B3GAT2: variants seen among roughly 807,000 people sequenced by gnomAD.
B3GAT2 encodes galactosylgalactosylxylosylprotein 3-beta-glucuronosyltransferase 2.
B3GAT2 carries 26 observed loss-of-function variants against 27.8 expected under a neutral mutation model. The observed-to-expected ratio is 0.93, with a 90% CI of 0.68 to 1.30. B3GAT2 has a LOEUF of 1.30. Among genes scored for constraint, B3GAT2 ranks in the 50% most tolerant of loss-of-function variants. B3GAT2 has a pLI of 0.00. For synonymous variants in B3GAT2, 218 were observed against 195.1 expected (o/e 1.12, Z -0.98); for missense variants, 458 against 459.0 (o/e 1.00, Z 0.02).
chr6:70,869,797 T>A (rs915510567), intron 2 of B3GAT2, among the ~76,000 whole-genome samples: 2 of 152,192 alleles, frequency 1.3e-5, no homozygotes, highest in African/African-American at 4.8e-5. Flanking sequence ...TTGTGTGTGT[T>A]CATCACTGGC....
Position 70,902,637 on chromosome 6 carries a change from TACAC to T in B3GAT2, c.592-8369_592-8366del, listed in dbSNP as rs1211771771. On this transcript the variant is annotated intron_variant, in intron 1 of 3. Transcript: ENST00000230053. The stretch of plus-strand genomic sequence containing the variant: ...AATGGGATATATATATATATATATA[TACAC>T]ACACACACACACACACACACACACA... 1.3e-3 allele frequency among the ~76,000 whole-genome samples: 168 copies of T among 133,412 alleles called. 2 individuals carry two copies. The South Asian group carries it at 0.025, about 20-fold the overall frequency. 87.5% of individuals were successfully genotyped at this position (133,412 alleles called of 152,430 possible).
intron 1 of B3GAT2, among the ~76,000 whole-genome samples, chr6:70,925,664 G>T (rs1447165232): frequency 1.3e-5 from 2 of 152,312 alleles, no homozygotes; most frequent in African/African-American, 4.8e-5. Context: ...AAACTGGGTG[G>T]AGCCCACCAG....
chr6:70,898,572 T>C (rs1252681539), intron 1 of B3GAT2, among the ~76,000 whole-genome samples: 2 of 152,094 alleles, frequency 1.3e-5, no homozygotes, highest in Non-Finnish European at 2.9e-5. Context: ...GCAATAACAA[T>C]AGTACTGTGG....
intron 2 of B3GAT2, among the ~76,000 whole-genome samples, chr6:70,892,944 A>G (rs1383697145): frequency 1.3e-5 from 2 of 152,184 alleles, no homozygotes; most frequent in Non-Finnish European, 2.9e-5. Flanking sequence ...CTGGAGCTGC[A>G]AGAACTGAAG....
In B3GAT2 at chr6:70,858,287, C is replaced by CTTTTTTTTTT. The variant is rs68188898; in HGVS notation, c.*3366_*3375dup. 8 of 255,140 alleles carry CTTTTTTTTTT rather than the reference C, an allele frequency of 3.1e-5. No individual in the cohort carries two copies. In the African/African-American group the frequency reaches 3.6e-4, roughly 11 times the overall value. The allele number at this position is 255,140 out of a possible 1,614,324, so 15.8% of individuals were successfully genotyped here. The stretch of plus-strand genomic sequence containing the variant: ...ATCAAACCAGATTTATTTTCTAAAT[C>CTTTTTTTTTT]TTTTTTTTTTTTTTTTTTTTTTTTT... On this transcript the variant is annotated 3_prime_UTR_variant, in exon 4 of 4. Coordinates refer to ENST00000230053, the MANE Select transcript of B3GAT2 (RefSeq NM_080742.3).
intron 1 of B3GAT2, among the ~76,000 whole-genome samples, chr6:70,901,284 T>G (rs1445412522): frequency 6.6e-6 from 1 of 152,214 alleles, no homozygotes; most frequent in Non-Finnish European, 1.5e-5. Context: ...GTTGATAGTA[T>G]GTACCCTTGC....
chr6:70,885,416 C>T (rs1265921323), intron 2 of B3GAT2, among the ~76,000 whole-genome samples: 1 of 152,150 alleles, frequency 6.6e-6, no homozygotes, highest in African/African-American at 2.4e-5. Flanking sequence ...GAACACGTAT[C>T]TGCTCCTAAA....
chr6:70,916,753 A>T lies in B3GAT2; in HGVS notation c.592-22481T>A, dbSNP rs1263552377. ...CCATCCCAGGGATGAAGTCGACTTG[A>T]TCGTAGTGGATAAGCTTTTTGATGG... On this transcript the variant is annotated intron_variant, in intron 1 of 3. Coordinates refer to ENST00000230053, the MANE Select transcript of B3GAT2 (RefSeq NM_080742.3). Among the ~76,000 whole-genome samples, 3 of 152,050 alleles carry T rather than the reference A, an allele frequency of 2.0e-5. No individual in the cohort carries two copies. In the East Asian group the frequency reaches 5.8e-4, roughly 29 times the overall value.
chr6:70,945,238 G>C (rs553192849), intron 1 of B3GAT2, among the ~76,000 whole-genome samples: 3 of 152,328 alleles, frequency 2.0e-5, no homozygotes, highest in South Asian at 4.1e-4. Context: ...ACTTTGACGA[G>C]TTGAGAGAAG....
At position 70,952,058 on chromosome 6, in the gene B3GAT2, T is replaced by A. The variant is rs1428155371; in HGVS notation, c.591+3781A>T. On this transcript the variant is annotated intron_variant, in intron 1 of 3. Coordinates refer to ENST00000230053, the MANE Select transcript of B3GAT2 (RefSeq NM_080742.3). ...TATATCCTTCAGATTATGACTCCAA[T>A]AAGCAGCAGGTAAAGAGGGAAAGCA... Among the ~76,000 whole-genome samples, 10 of 151,876 alleles carry A rather than the reference T, an allele frequency of 6.6e-5. 1 individual carries two copies. Among genetic ancestry groups the A allele is most frequent in the Admixed American group, 6.6e-4 (10 of 15,258 alleles).
chr6:70,876,516 CA>C (rs1341948698), intron 2 of B3GAT2, among the ~76,000 whole-genome samples: 1 of 152,126 alleles, frequency 6.6e-6, no homozygotes, highest in East Asian at 1.9e-4. Context: ...TTGGTTTACA[CA>C]AATGTAAAAT....
chr6:70,891,345 C>A (rs1772285257), intron 2 of B3GAT2, among the ~76,000 whole-genome samples: 1 of 152,090 alleles, frequency 6.6e-6, no homozygotes, highest in African/African-American at 2.4e-5. Context: ...TAAAAAATAT[C>A]CTCCAATGGA....
At chr6:70,935,569 T>G (rs79875917) in intron 1 of B3GAT2, among the ~76,000 whole-genome samples, 2 of 152,272 alleles carry the variant, frequency 1.3e-5, no homozygotes, top group African/African-American at 4.8e-5. Context: ...ATAGATCTAC[T>G]GGATATATTT....
intron 2 of B3GAT2, among the ~76,000 whole-genome samples, chr6:70,866,724 G>C (rs541442414): frequency 6.6e-6 from 1 of 152,210 alleles, no homozygotes; most frequent in South Asian, 2.1e-4. Flanking sequence ...GAGGGAGACA[G>C]GGAAAAAAAT....
intron 2 of B3GAT2, among the ~76,000 whole-genome samples, chr6:70,877,145 C>T (rs112737356): frequency 0.015 from 2,229 of 152,204 alleles, 24 homozygotes; most frequent in Non-Finnish European, 0.02. Context: ...ATGGTAACTG[C>T]CTGAGGTAGA....
At chr6:70,884,058 C>T (rs1027026897) in intron 2 of B3GAT2, among the ~76,000 whole-genome samples, 2 of 142,526 alleles carry the variant, frequency 1.4e-5, no homozygotes, top group Non-Finnish European at 3.0e-5. Flanking sequence ...GCCCGCCTCT[C>T]TTACTCCTGG....
intron 1 of B3GAT2, among the ~76,000 whole-genome samples, chr6:70,921,122 A>G (rs1297677840): frequency 6.6e-6 from 1 of 152,142 alleles, no homozygotes; most frequent in Admixed American, 6.5e-5. Flanking sequence ...TGTCTTGTAT[A>G]GTATCTCACA....
In B3GAT2 at chr6:70,916,945, A is replaced by C. The variant is rs1772783321; in HGVS notation, c.592-22673T>G. Among the ~76,000 whole-genome samples, 2 of 151,876 alleles carry C rather than the reference A, an allele frequency of 1.3e-5. 1 individual carries two copies. Among genetic ancestry groups the C allele is most frequent in the South Asian group, 4.2e-4 (2 of 4,818 alleles). On this transcript the variant is annotated intron_variant, in intron 1 of 3. Coordinates refer to ENST00000230053, the MANE Select transcript of B3GAT2 (RefSeq NM_080742.3). ...GTTAGGGAAGATTCCCTCTTTTTCT[A>C]TTGATTGGAATAGTTTCAGAAGGAA...
In B3GAT2 at chr6:70,894,177, G is replaced by A; in HGVS notation, c.687C>T (p.Gly229=). ...TGTCTGCTCTCCAGCCGGTGTACCA[G>A]CCAACAACTTTGCCGTTTTCCACCA... The part of the protein sequence containing the change: ...RPLVENGKVV[G]WYTGWRADRP... Residue 229 remains glycine, a synonymous_variant, in exon 2 of 4, where the codon GGC becomes GGT. Coordinates refer to ENST00000230053, the MANE Select transcript of B3GAT2 (RefSeq NM_080742.3). 6.2e-7 allele frequency: 1 copy of A among 1,613,622 alleles called. No homozygotes were observed. Among genetic ancestry groups the A allele is most frequent in the East Asian group, 2.2e-5 (1 of 44,870 alleles).
Sources: gnomAD v4.1 joint callset for allele counts (sites outside exome capture counted in the v4.1 genomes callset) on GRCh38, gnomAD v4.1.1 for gene constraint, MANE v1.5 for transcripts, NCBI Gene and HGNC (gene_info 2026-07-23, HGNC 2026-07-21) for gene names.